The following FASTKD1 variants were observed in gnomAD, a reference collection of about 807,000 sequenced individuals.
FASTKD1 encodes FAST kinase domains 1, also known as FAST kinase domain-containing protein 1, mitochondrial.
FASTKD1 carries 94 observed loss-of-function variants against 90.9 expected under a neutral mutation model. The ratio of observed to expected loss-of-function variants is 1.03; its 90% CI spans 0.88 to 1.23. The LOEUF (loss-of-function observed/expected upper bound fraction) is 1.23. Ranked by LOEUF, FASTKD1 falls within the 50% of genes most tolerant of loss-of-function variation. FASTKD1 has a pLI of 0.00. For missense variants in FASTKD1, 945 were observed against 993.5 expected (o/e 0.95, Z 0.66); for synonymous variants, 319 against 345.8 (o/e 0.92, Z 0.86).
intron 12 of FASTKD1, among the ~76,000 whole-genome samples, chr2:169,531,845 A>C (rs1245617234): frequency 6.6e-6 from 1 of 152,220 alleles, no homozygotes; most frequent in African/African-American, 2.4e-5. Flanking sequence ...AATAAAGAAA[A>C]AGATACAAGC....
intron 10 of FASTKD1, among the ~76,000 whole-genome samples, chr2:169,538,794 T>C (rs1304537339): frequency 1.3e-5 from 2 of 151,794 alleles, no homozygotes; most frequent in African/African-American, 4.8e-5. Context: ...CTTACAATGA[T>C]GAGGAATTGG....
At chr2:169,538,675 C>CAA (rs35866271) in intron 10 of FASTKD1, among the ~76,000 whole-genome samples, 8 of 90,902 alleles carry the variant, frequency 8.8e-5, no homozygotes, top group Non-Finnish European at 1.7e-4. Flanking sequence ...AACTCCGTCT[C>CAA]AAAAAAAAAA....
At position 169,571,663 on chromosome 2, in the gene FASTKD1, C is replaced by G. The variant is rs753689352; in HGVS notation, c.367G>C (p.Val123Leu). 1 of 1,584,540 alleles carries G rather than the reference C, an allele frequency of 6.3e-7. No individual in the cohort carries two copies. Among genetic ancestry groups the G allele is most frequent in the Admixed American group, 1.7e-5 (1 of 58,758 alleles). The change falls in exon 2 of 15, where the codon GTC becomes CTC. Residue 123 changes from valine (V) to leucine (L), a missense_variant. Physicochemically the swap from Val to Leu is conservative, Grantham distance 32. Transcript: ENST00000453153. ...AAGTAAATTACTTACTGTTGTGTGACGTATAACACATTCACCAGGGTATCG... is the reference window on the plus strand; with the variant it reads ...AAGTAAATTACTTACTGTTGTGTGAGGTATAACACATTCACCAGGGTATCG... ...NDDTLVNVLYVTQQFAGEAHD... is the reference protein window; with the variant it reads ...NDDTLVNVLYLTQQFAGEAHD...
Position 169,546,555 on chromosome 2 carries a change from G to A in FASTKD1, c.1364C>T (p.Ala455Val). 1 of 1,614,090 alleles carries A rather than the reference G, an allele frequency of 6.2e-7. No homozygotes were observed. Among genetic ancestry groups the A allele is most frequent in the Admixed American group, 1.7e-5 (1 of 60,000 alleles). The change falls in exon 8 of 15, where the codon GCC becomes GTC. Residue 455 changes from alanine to valine, a missense_variant. Ala to Val is a moderately conservative substitution (Grantham distance 64). Coordinates refer to ENST00000453153, the MANE Select transcript of FASTKD1 (RefSeq NM_024622.6). ...QCDLNNLSSF[A>V]TSVLRWIQHD... is the part of the protein sequence containing the mutation. ...CTGAATCCATCTTAAAACAGATGTG[G>A]CAAAACTACTCAGGTTATTTAGGTC...
chr2:169,555,834 G>A (rs1174361714), intron 6 of FASTKD1, among the ~76,000 whole-genome samples: 5 of 152,102 alleles, frequency 3.3e-5, no homozygotes, highest in African/African-American at 1.2e-4. Flanking sequence ...GCCAACAAAT[G>A]GCAGTATGAC....
intron 9 of FASTKD1, among the ~76,000 whole-genome samples, chr2:169,544,038 T>C (rs1439685467): frequency 1.3e-5 from 2 of 152,122 alleles, no homozygotes; most frequent in African/African-American, 2.4e-5. Context: ...AGTATTGTGG[T>C]GGTACAGAAG....
At position 169,530,652 on chromosome 2, in the gene FASTKD1, G is replaced by A. The variant is rs182022139; in HGVS notation, c.2377C>T (p.His793Tyr). 1 of 1,610,074 alleles carries A rather than the reference G, an allele frequency of 6.2e-7. No homozygotes were observed. The highest frequency in any genetic ancestry group is 1.3e-5 in the African/African-American group (1 of 74,838). Residue 793 changes from histidine to tyrosine, a missense_variant, in exon 14 of 15, where the codon CAC becomes TAC. By Grantham distance (83) the His-to-Tyr change is moderately conservative. Coordinates refer to ENST00000453153, the MANE Select transcript of FASTKD1 (RefSeq NM_024622.6). ...DSKALCRNIPHMKGKSAMKKR... is the reference protein window; with the variant it reads ...DSKALCRNIPYMKGKSAMKKR... ...TTCATAGCAGATTTTCCTTTCATGT[G>A]AGGGATATTTCTACAAAGTGCTTTT...
intron 9 of FASTKD1, among the ~76,000 whole-genome samples, chr2:169,541,598 C>T (rs1684959043): frequency 6.6e-6 from 1 of 152,110 alleles, no homozygotes; most frequent in African/African-American, 2.4e-5. Context: ...ATAGATCCCA[C>T]AAAAATGTAG....
At chr2:169,564,394 G>C (rs974571190) in intron 3 of FASTKD1, among the ~76,000 whole-genome samples, 1 of 151,824 alleles carries the variant, frequency 6.6e-6, no homozygotes, top group Non-Finnish European at 1.5e-5. Context: ...AGGCTCAAGT[G>C]ATCCTCCAAC....
Position 169,529,791 on chromosome 2 carries a change from T to G in FASTKD1, c.*34A>C, listed in dbSNP as rs770421398. ...GCCACTTTATTAAAATAGGTCCAAATGTAACACACGATAACATTCATTTTA... is the reference window on the plus strand; with the variant it reads ...GCCACTTTATTAAAATAGGTCCAAAGGTAACACACGATAACATTCATTTTA... On this transcript the variant is annotated 3_prime_UTR_variant, in exon 15 of 15. Transcript: ENST00000453153. 6.8e-7 allele frequency: 1 copy of G among 1,466,886 alleles called. No individual in the cohort carries two copies. Among genetic ancestry groups the G allele is most frequent in the East Asian group, 2.3e-5 (1 of 43,958 alleles). The allele number at this position is 1,466,886 out of a possible 1,614,324, so 90.9% of individuals were successfully genotyped here.
chr2:169,566,195 C>G (rs1683975516), intron 3 of FASTKD1, among the ~76,000 whole-genome samples: 1 of 152,110 alleles, frequency 6.6e-6, no homozygotes, highest in Admixed American at 6.6e-5. Context: ...GCTGAAACTA[C>G]AAGCGTGTGC....
At chr2:169,573,469 T>C (rs933587925) in intron 1 of FASTKD1, 200 bp downstream of exon 1, 4 of 152,220 alleles carry the variant, frequency 2.6e-5, no homozygotes, top group African/African-American at 2.4e-5. Flanking sequence ...CTAAGGGGTA[T>C]CTTCTGCGCC....
At chr2:169,542,529 G>A (rs1362989434) in intron 9 of FASTKD1, among the ~76,000 whole-genome samples, 1 of 152,164 alleles carries the variant, frequency 6.6e-6, no homozygotes, top group Admixed American at 6.5e-5. Flanking sequence ...CAGCAGGAAG[G>A]ACTATTTCTA....
chr2:169,556,650 C>T (rs1195351877), intron 6 of FASTKD1, among the ~76,000 whole-genome samples: 1 of 151,868 alleles, frequency 6.6e-6, no homozygotes, highest in African/African-American at 2.4e-5. Flanking sequence ...ACAGTGAAAC[C>T]CCGCTTCTAC....
At position 169,529,843 on chromosome 2, in the gene FASTKD1, T is replaced by C; in HGVS notation, c.2526A>G (p.Glu842=). ...ATAAAAACTACAAACATGACTTGAC[T>C]TCTCCAAATATACATTCTCTCAGGT... is the stretch of plus-strand genomic sequence containing the variant. ...MDYLRECIFG[E]VKSCL The change falls in exon 15 of 15, where the codon GAA becomes GAG. Residue 842 remains glutamate (E), a synonymous_variant. Transcript: ENST00000453153. 1 of 1,611,310 alleles carries C rather than the reference T, an allele frequency of 6.2e-7. No homozygotes were observed. Among genetic ancestry groups the C allele is most frequent in the Non-Finnish European group, 8.5e-7 (1 of 1,178,358 alleles).
intron 7 of FASTKD1, among the ~76,000 whole-genome samples, chr2:169,548,825 T>G (rs1310106172): frequency 6.7e-6 from 1 of 149,380 alleles, no homozygotes; most frequent in Non-Finnish European, 1.5e-5. Flanking sequence ...CTGGGCGCGG[T>G]AGCTCACTCC....
intron 12 of FASTKD1, among the ~76,000 whole-genome samples, chr2:169,535,461 T>TTAA (rs1684687748): frequency 2.1e-5 from 2 of 97,184 alleles, no homozygotes; most frequent in South Asian, 3.8e-4. Context: ...TATTTATTTA[T>TTAA]TTATTATTTG....
intron 12 of FASTKD1, among the ~76,000 whole-genome samples, chr2:169,534,848 CT>C (rs946510712): frequency 1.3e-5 from 2 of 151,882 alleles, no homozygotes; most frequent in South Asian, 4.2e-4. Context: ...AGAAGAAAAC[CT>C]TTTTGTCTTT....
intron 3 of FASTKD1, among the ~76,000 whole-genome samples, chr2:169,567,217 TA>T (rs1482538106): frequency 1.4e-4 from 22 of 152,188 alleles, no homozygotes; most frequent in Non-Finnish European, 2.5e-4. Context: ...TGATTCACTA[TA>T]AAATACAATC....
Sources: gnomAD v4.1 joint callset for allele counts (sites outside exome capture counted in the v4.1 genomes callset) on GRCh38, gnomAD v4.1.1 for gene constraint, MANE v1.5 for transcripts, NCBI Gene and HGNC (gene_info 2026-07-23, HGNC 2026-07-21) for gene names.